Variants in SDCBP observed in about 807,000 individuals in gnomAD.
SDCBP encodes syntenin-1.
Under a neutral mutation model 30.5 loss-of-function variants are expected in SDCBP, and 22 were observed. That is an observed-to-expected ratio of 0.72 (90% CI 0.52 to 1.03). The LOEUF (loss-of-function observed/expected upper bound fraction) is 1.03. SDCBP is among the 50% of genes least tolerant of loss of function. SDCBP has a pLI of 0.00. For missense variants in SDCBP, 304 were observed against 369.9 expected, an observed-to-expected ratio of 0.82 and a Z score of 1.46; for synonymous variants, 103 against 118.7, an observed-to-expected ratio of 0.87 and a Z score of 0.86.
intron 1 of SDCBP, among the ~76,000 whole-genome samples, chr8:58,556,345 G>A (rs1033813556): frequency 1.3e-5 from 2 of 152,204 alleles, no homozygotes; most frequent in Non-Finnish European, 2.9e-5. Context: ...ACAGGAGCTG[G>A]AGCTCAGGTG....
chr8:58,560,033 T>G (rs1804352459), intron 1 of SDCBP, among the ~76,000 whole-genome samples: 1 of 152,212 alleles, frequency 6.6e-6, no homozygotes, highest in African/African-American at 2.4e-5. Context: ...ATATAAGTTC[T>G]GACAGGAAAG....
At chr8:58,557,894 G>A (rs538581507) in intron 1 of SDCBP, among the ~76,000 whole-genome samples, 52 of 152,288 alleles carry the variant, frequency 3.4e-4, no homozygotes, top group African/African-American at 1.2e-3. Flanking sequence ...GATAAGAGTT[G>A]CAAGTGAGGT....
intron 2 of SDCBP, among the ~76,000 whole-genome samples, chr8:58,569,884 A>G (rs1345489227): frequency 6.6e-6 from 1 of 152,206 alleles, no homozygotes; most frequent in East Asian, 1.9e-4. Context: ...CTCAACAAGT[A>G]TATCAGAACA....
In SDCBP at chr8:58,569,204, C is replaced by T. The variant is rs113342088; in HGVS notation, c.52-1683C>T. ...ATTAACAGGCATCCACCACCATGCC[C>T]GGCTAATTTTTGTATGTTTACTAGA... On this transcript the variant is annotated intron_variant, in intron 2 of 8. Coordinates refer to ENST00000260130, the MANE Select transcript of SDCBP (RefSeq NM_005625.4). Among the ~76,000 whole-genome samples, 554 of 138,702 alleles carry T rather than the reference C, an allele frequency of 4.0e-3. 2 individuals carry two copies. The highest frequency in any genetic ancestry group is 0.016 in the African/African-American group (508 of 31,922). 91.0% of individuals were successfully genotyped at this position (138,702 alleles called of 152,430 possible).
At chr8:58,568,575 T>C (rs1410620895) in intron 2 of SDCBP, among the ~76,000 whole-genome samples, 1 of 152,188 alleles carries the variant, frequency 6.6e-6, no homozygotes, top group African/African-American at 2.4e-5. Flanking sequence ...CCATGCATAA[T>C]TGTAGATGCT....
chr8:58,559,146 T>C (rs1429188684), intron 1 of SDCBP, among the ~76,000 whole-genome samples: 3 of 152,130 alleles, frequency 2.0e-5, no homozygotes, highest in African/African-American at 4.8e-5. Flanking sequence ...AACTCAAGAG[T>C]TGTTCAGACA....
intron 1 of SDCBP, among the ~76,000 whole-genome samples, chr8:58,557,853 CTTTAG>C (rs1804232029): frequency 1.3e-5 from 2 of 152,128 alleles, no homozygotes; most frequent in South Asian, 2.1e-4. Flanking sequence ...AAACAAAATT[CTTTAG>C]TTTAGTTCGT....
chr8:58,571,014 C>A, intron 3 of SDCBP, 49 bp downstream of exon 3: 4 of 1,384,548 alleles, frequency 2.9e-6, no homozygotes, highest in Non-Finnish European at 4.1e-6. Context: ...ATATTGTTAT[C>A]TTCTTTTGCT....
intron 4 of SDCBP, among the ~76,000 whole-genome samples, chr8:58,572,829 C>A (rs1381602069): frequency 3.4e-5 from 3 of 87,696 alleles, no homozygotes; most frequent in Non-Finnish European, 6.1e-5. Flanking sequence ...TTTTTTGAGG[C>A]ATAGTCTCAC....
intron 1 of SDCBP, among the ~76,000 whole-genome samples, chr8:58,557,658 C>T (rs1038070101): frequency 2.0e-5 from 3 of 151,740 alleles, no homozygotes; most frequent in Non-Finnish European, 2.9e-5. Flanking sequence ...AAGTGAGTCA[C>T]AGAGATTGCA....
chr8:58,558,177 C>T (rs1804254190), intron 1 of SDCBP, among the ~76,000 whole-genome samples: 1 of 152,080 alleles, frequency 6.6e-6, no homozygotes, highest in African/African-American at 2.4e-5. Flanking sequence ...ACGGACTTGC[C>T]CTAAGAATAT....
Position 58,582,808 on chromosome 8 carries a change from T to TATG in SDCBP, c.*1069_*1071dup, listed in dbSNP as rs1436048815. ...CCTGATTTTTTTCTTCTTTTTGGTT[T>TATG]ATGTCTATTCTAATTAAATATGTAT... On this transcript the variant is annotated 3_prime_UTR_variant, in exon 9 of 9. Coordinates refer to ENST00000260130, the MANE Select transcript of SDCBP (RefSeq NM_005625.4). 2.6e-5 allele frequency: 4 copies of TATG among 152,638 alleles called. No homozygotes were observed. The highest frequency in any genetic ancestry group is 9.6e-5 in the African/African-American group (4 of 41,458). 9.5% of individuals were successfully genotyped at this position (152,638 alleles called of 1,614,324 possible).
rs974947420 is a variant in SDCBP at position 58,567,356 on chromosome 8, A to G, written c.51+2272A>G. On this transcript the variant is annotated intron_variant, in intron 2 of 8. Coordinates refer to ENST00000260130, the MANE Select transcript of SDCBP (RefSeq NM_005625.4). The stretch of plus-strand genomic sequence containing the variant: ...AAATTCATAACTACATACAAAGGAG[A>G]AGTATTTTAAATTAATAAGCTGTGT... 3.9e-5 allele frequency among the ~76,000 whole-genome samples: 6 copies of G among 152,200 alleles called. No individual in the cohort carries two copies. In the East Asian group the frequency reaches 1.2e-3, roughly 29 times the overall value.
In SDCBP at chr8:58,572,288, G is replaced by A. The variant is rs372417488; in HGVS notation, c.214G>A (p.Val72Met). The A allele has an allele frequency of 3.7e-5, 59 of 1,610,658 alleles. No homozygotes were observed. Among genetic ancestry groups the A allele is most frequent in the Admixed American group, 2.2e-4 (13 of 60,010 alleles). Residue 72 changes from valine (V) to methionine (M), a missense_variant, in exon 4 of 9, where the codon GTG becomes ATG. By Grantham distance (21) the Val-to-Met change is conservative (BLOSUM62 1). Transcript: ENST00000260130. ...AGAAGAAATACGTGCAAATGTGGCC[G>A]TGGTTTCTGGTGCACCACTTCAGGG... is the stretch of plus-strand genomic sequence containing the variant. ...NEEEIRANVAVVSGAPLQGQL... is the reference protein window; with the variant it reads ...NEEEIRANVAMVSGAPLQGQL...
At chr8:58,581,650 G>T in intron 8 of SDCBP, 36 bp from the exon 9 acceptor site, 1 of 1,545,288 alleles carries the variant, frequency 6.5e-7, no homozygotes, top group South Asian at 1.1e-5. Context: ...ACAAAAACCA[G>T]AATCTCGGTA....
At chr8:58,556,045 C>T (rs1284723934) in intron 1 of SDCBP, among the ~76,000 whole-genome samples, 3 of 152,208 alleles carry the variant, frequency 2.0e-5, no homozygotes, top group Non-Finnish European at 4.4e-5. Context: ...AAATAGGCAA[C>T]ATCTTCGAAT....
At chr8:58,559,275 A>C (rs1242024866) in intron 1 of SDCBP, among the ~76,000 whole-genome samples, 1 of 152,224 alleles carries the variant, frequency 6.6e-6, no homozygotes, top group Admixed American at 6.5e-5. Context: ...TCAAAAAAAG[A>C]AATCAAAAAT....
chr8:58,571,100 G>GA (rs889859631), intron 3 of SDCBP, 135 bp downstream of exon 3: 27 of 558,438 alleles, frequency 4.8e-5, no homozygotes, highest in South Asian at 2.2e-4. Flanking sequence ...TTATGAATAA[G>GA]AAAAAAAAGT....
chr8:58,564,965 T>C (rs1804624375), intron 1 of SDCBP, 54 bp from the exon 2 acceptor site: 3 of 956,434 alleles, frequency 3.1e-6, no homozygotes, highest in African/African-American at 3.3e-5. Context: ...TAGCTGTGTA[T>C]ACTATTTCAA....
Sources: allele counts gnomAD v4.1 joint callset (sites outside exome capture counted in the v4.1 genomes callset), GRCh38; gene constraint gnomAD v4.1.1; transcripts MANE v1.5; gene names NCBI Gene and HGNC (gene_info 2026-07-23, HGNC 2026-07-21).